The following DHX37 variants were observed in gnomAD, a reference collection of about 807,000 sequenced individuals.
DHX37 encodes the protein probable ATP-dependent RNA helicase DHX37.
DHX37 carries 52 observed loss-of-function variants against 134.3 expected under a neutral mutation model. That is an observed-to-expected ratio of 0.39 (90% confidence interval 0.31 to 0.49). The LOEUF is 0.49. DHX37 is among the 20% of genes least tolerant of loss of function. The probability of loss-of-function intolerance (pLI) is 0.93; values close to 1 mark genes in which losing one functional copy is unlikely to be tolerated. For missense variants in DHX37, 1,344 were observed against 1,580.8 expected, an observed-to-expected ratio of 0.85 and a Z score of 2.54; for synonymous variants, 634 against 670.7, an observed-to-expected ratio of 0.95 and a Z score of 0.85.
In DHX37 at chr12:124,980,689, T is replaced by C. The variant is rs1954740343; in HGVS notation, c.539A>G (p.Asp180Gly). The change falls in exon 4 of 27, where the codon GAC (aspartate) becomes GGC (glycine). Residue 180 changes from aspartate (D) to glycine (G), a missense_variant. Around this residue, in one of 7 missense-constraint regions of DHX37, gnomAD observed 319 missense variants for 296.1 expected, o/e 1.08. Transcript: ENST00000308736. The surrounding 1 kb of genome is among the most constrained non-coding windows in gnomAD (Gnocchi z 5.3). The stretch of plus-strand genomic sequence containing the variant: ...AGCCGGCTCAGCAGCTGGGTCCTCG[T>C]CCAGCTCCGACTCCTCCTCCAGCTC... ...ESELEEESEL[D>G]EDPAAEPAEA... 3.2e-6 allele frequency: 5 copies of C among 1,581,050 alleles called. No individual in the cohort carries two copies. The highest frequency in any genetic ancestry group is 1.9e-4 in the Middle Eastern group (1 of 5,350).
intron 2 of DHX37, among the ~76,000 whole-genome samples, chr12:124,982,980 G>C (rs1422123206): frequency 6.6e-6 from 1 of 152,202 alleles, no homozygotes; most frequent in Non-Finnish European, 1.5e-5. Flanking sequence ...TTGTGTGTCT[G>C]ATGTGAATTG....
At chr12:124,986,985 G>C (rs1489363145) in intron 1 of DHX37, among the ~76,000 whole-genome samples, 2 of 152,006 alleles carry the variant, frequency 1.3e-5, no homozygotes, top group Non-Finnish European at 2.9e-5. Flanking sequence ...ACCCCCAAGT[G>C]AGCCACCCGC....
rs766812519 is a variant in DHX37, at chr12:124,948,139, T to A, written c.3333A>T (p.Ala1111=). ...AGGCTTCATGGCAGTCAGCCTTCTC[T>A]GCAACCAGGGCTCGCAGAAGGCTCT... ...RTESLLRALV[A]EKADCHEALL... Residue 1111 remains alanine (A), a synonymous_variant, in exon 26 of 27, where the codon GCA becomes GCT. Transcript: ENST00000308736. 1.2e-6 allele frequency: 2 copies of A among 1,614,238 alleles called. No individual in the cohort carries two copies. The highest frequency in any genetic ancestry group is 8.5e-7 in the Non-Finnish European group (1 of 1,180,050).
intron 10 of DHX37, 66 bp downstream of exon 10, chr12:124,968,468 C>T: frequency 6.3e-7 from 1 of 1,590,070 alleles, no homozygotes; most frequent in Non-Finnish European, 8.5e-7. Context: ...GGCCCTCCCA[C>T]ACTCGTGCTT....
intron 5 of DHX37, among the ~76,000 whole-genome samples, chr12:124,976,832 AAAT>A (rs1483167093): frequency 6.9e-6 from 1 of 144,958 alleles, no homozygotes; most frequent in East Asian, 2.0e-4. Flanking sequence ...TCCGTCTCAA[AAAT>A]AATAATAATA....
intron 18 of DHX37, among the ~76,000 whole-genome samples, chr12:124,955,470 A>G (rs1015972706): frequency 1.3e-5 from 2 of 152,240 alleles, no homozygotes; most frequent in Non-Finnish European, 2.9e-5. Context: ...GTCCATCACC[A>G]TGCCCGCTTT....
chr12:124,981,949 C>T (rs1954769448), intron 3 of DHX37, among the ~76,000 whole-genome samples: 1 of 151,600 alleles, frequency 6.6e-6, no homozygotes, highest in African/African-American at 2.4e-5. Context: ...CATGGAGAAA[C>T]CCCGTCTCTA....
intron 25 of DHX37, among the ~76,000 whole-genome samples, chr12:124,948,786 AAAACAT>A (rs1566318998): frequency 9.9e-5 from 15 of 151,346 alleles, no homozygotes; most frequent in Non-Finnish European, 1.6e-4. Context: ...CAAAAGCAAA[AAAACAT>A]AATTCTCTAG....
At chr12:124,948,389 G>T in intron 25 of DHX37, 3 of 871,486 alleles carry the variant, frequency 3.4e-6, no homozygotes, top group African/African-American at 1.7e-5. Context: ...GTTGGAGGCT[G>T]CAGTGAACCA....
At chr12:124,973,502 G>T (rs191128137) in intron 6 of DHX37, among the ~76,000 whole-genome samples, 3 of 152,006 alleles carry the variant, frequency 2.0e-5, no homozygotes, top group Non-Finnish European at 2.9e-5. Context: ...TAAACAGTGG[G>T]GGGGAGGGGG....
chr12:124,958,057 A>G (rs1431441624), intron 16 of DHX37, among the ~76,000 whole-genome samples: 1 of 152,158 alleles, frequency 6.6e-6, no homozygotes, highest in Non-Finnish European at 1.5e-5. Flanking sequence ...AAATCCATGG[A>G]GAGGAGTGGG....
At chr12:124,959,434 G>C (rs1356342535) in intron 16 of DHX37, among the ~76,000 whole-genome samples, 1 of 151,824 alleles carries the variant, frequency 6.6e-6, no homozygotes, top group Admixed American at 6.6e-5. Context: ...TGTTAGCCAG[G>C]CTGGTCTCAA....
rs534886871 is a variant in DHX37, at chr12:124,963,758, T to C, written c.2045+636A>G. Among the ~76,000 whole-genome samples the C allele has an allele frequency of 1.6e-3, 236 of 149,574 alleles. 1 individual carries two copies. Among genetic ancestry groups the C allele is most frequent in the African/African-American group, 5.6e-3 (226 of 40,580 alleles). Reference sequence around the variant, plus strand: ...AGCCGGGCGTGGTGGCAGGTGCCTGTAGTCCCAGCTACTCGGGAGGCTGAG... The same window carrying C: ...AGCCGGGCGTGGTGGCAGGTGCCTGCAGTCCCAGCTACTCGGGAGGCTGAG... On this transcript the variant is annotated intron_variant, in intron 15 of 26. Transcript: ENST00000308736.
At chr12:124,963,369 G>A (rs1302094673) in intron 15 of DHX37, among the ~76,000 whole-genome samples, 1 of 152,138 alleles carries the variant, frequency 6.6e-6, no homozygotes. Flanking sequence ...GAAGAAGGGG[G>A]GTGACTGCAG....
intron 4 of DHX37, among the ~76,000 whole-genome samples, chr12:124,978,042 C>G (rs998799580): frequency 2.6e-5 from 4 of 152,184 alleles, no homozygotes; most frequent in Admixed American, 6.5e-5. Context: ...CTCACTGCAA[C>G]CTCTGCCTCC....
chr12:124,968,428 C>T, intron 10 of DHX37, 106 bp downstream of exon 10: 1 of 1,543,678 alleles, frequency 6.5e-7, no homozygotes, highest in Admixed American at 1.8e-5. Context: ...CTGGCAGGGT[C>T]AAGGGACTTT....
chr12:124,948,011 C>T (rs1362975938), intron 26 of DHX37, 73 bp downstream of exon 26: 1 of 1,613,738 alleles, frequency 6.2e-7, no homozygotes. Flanking sequence ...GCTGACCGTG[C>T]ACAAAGCACA....
intron 5 of DHX37, 52 bp downstream of exon 5, chr12:124,977,290 C>A: frequency 6.8e-7 from 1 of 1,467,998 alleles, no homozygotes; most frequent in African/African-American, 1.4e-5. Flanking sequence ...CCTTTCAGGG[C>A]ATCTCCAGTG....
In DHX37 at chr12:124,969,327, G is replaced by A. The variant is rs540767269; in HGVS notation, c.1192-359C>T. 4.6e-5 allele frequency among the ~76,000 whole-genome samples: 7 copies of A among 152,240 alleles called. No homozygotes were observed. The South Asian group carries it at 1.2e-3, about 27-fold the overall frequency. The stretch of plus-strand genomic sequence containing the variant: ...GATTCTCTGGGGTCTGTGGGGGGTG[G>A]GAGAGAGCTCCCGGGAGCTCCCTGG... On this transcript the variant is annotated intron_variant, in intron 8 of 26. Coordinates refer to ENST00000308736, the MANE Select transcript of DHX37 (RefSeq NM_032656.4).
Sources: gnomAD v4.1 joint callset for allele counts (sites outside exome capture counted in the v4.1 genomes callset) on GRCh38, gnomAD v4.1.1 for gene constraint, gnomAD v4.1.1 regional missense constraint, Gnocchi (gnomAD v3.1) non-coding constraint, MANE v1.5 for transcripts, NCBI Gene and HGNC (gene_info 2026-07-23, HGNC 2026-07-21) for gene names.